Variants in CSMD1 observed in about 807,000 individuals in gnomAD.
The protein encoded by CSMD1 is CUB and Sushi multiple domains 1.
In CSMD1, 213 loss-of-function variants were observed where a neutral mutation model predicts 417.5. The ratio of observed to expected loss-of-function variants is 0.51; its 90% confidence interval spans 0.46 to 0.57. CSMD1 has a LOEUF of 0.57. CSMD1 is among the 20% of genes least tolerant of loss of function. The probability of loss-of-function intolerance (pLI) is 0.00; values close to 1 mark genes in which losing one functional copy is unlikely to be tolerated. For synonymous variants in CSMD1, 2,862 were observed against 1,736.8 expected, an observed-to-expected ratio of 1.65 and a Z score of -16.11; for missense variants, 6,923 against 4,529.7, an observed-to-expected ratio of 1.53 and a Z score of -15.17.
chr8:3,735,009 G>T (rs573675575), intron 6 of CSMD1, among the ~76,000 whole-genome samples: 4 of 152,334 alleles, frequency 2.6e-5, no homozygotes, highest in Non-Finnish European at 5.9e-5. Flanking sequence ...AGAGAGGAGT[G>T]AGGAGGGAAT....
chr8:4,706,705 A>C (rs1256908027), intron 1 of CSMD1, among the ~76,000 whole-genome samples: 1 of 152,188 alleles, frequency 6.6e-6, no homozygotes, highest in Non-Finnish European at 1.5e-5. Flanking sequence ...TGAAAGTCCA[A>C]AAAACAAAAG....
At chr8:4,231,765 A>C (rs1188632504) in intron 3 of CSMD1, among the ~76,000 whole-genome samples, 2 of 152,218 alleles carry the variant, frequency 1.3e-5, no homozygotes, top group Non-Finnish European at 2.9e-5. Context: ...ACTGTTGGCC[A>C]TGCCACAGCC....
chr8:4,375,934 CAG>C (rs770143371), intron 3 of CSMD1, among the ~76,000 whole-genome samples: 3 of 152,140 alleles, frequency 2.0e-5, no homozygotes, highest in Non-Finnish European at 2.9e-5. Context: ...CTTAGATGTG[CAG>C]AGAGTTTCCT....
chr8:4,485,062 C>T (rs1043105865), intron 2 of CSMD1, among the ~76,000 whole-genome samples: 1 of 142,146 alleles, frequency 7.0e-6, no homozygotes, highest in Non-Finnish European at 1.5e-5. Context: ...CCATTTTCTA[C>T]TCATTTCTAC....
chr8:4,198,040 G>A (rs767782630), intron 3 of CSMD1, among the ~76,000 whole-genome samples: 2 of 152,158 alleles, frequency 1.3e-5, no homozygotes, highest in Non-Finnish European at 2.9e-5. Context: ...CAGCAATGAA[G>A]AAGTATTTAT....
chr8:3,404,985 T>C (rs539100296), intron 15 of CSMD1, among the ~76,000 whole-genome samples: 1 of 152,334 alleles, frequency 6.6e-6, no homozygotes, highest in South Asian at 2.1e-4. Context: ...TTTATGATAT[T>C]GATCCAGGAA....
chr8:3,967,904 A>G (rs1265557190), intron 5 of CSMD1, among the ~76,000 whole-genome samples: 1 of 151,494 alleles, frequency 6.6e-6, no homozygotes, highest in Non-Finnish European at 1.5e-5. Context: ...GCAGTGGCTC[A>G]CACGTGTAAT....
At chr8:3,053,095 T>A (rs868047334) in intron 49 of CSMD1, among the ~76,000 whole-genome samples, 2 of 152,204 alleles carry the variant, frequency 1.3e-5, no homozygotes, top group South Asian at 2.1e-4. Context: ...ATTCTATTTC[T>A]AGGGTATGGG....
intron 63 of CSMD1, among the ~76,000 whole-genome samples, chr8:2,957,352 A>T (rs961743082): frequency 1.1e-4 from 17 of 152,208 alleles, no homozygotes; most frequent in Non-Finnish European, 1.5e-4. Context: ...TCAATATAAC[A>T]TTATGCACTT....
At chr8:4,558,599 G>C (rs1423567419) in intron 2 of CSMD1, among the ~76,000 whole-genome samples, 1 of 152,084 alleles carries the variant, frequency 6.6e-6, no homozygotes, top group Non-Finnish European at 1.5e-5. Context: ...CAGACACATG[G>C]CTCACACCTG....
intron 6 of CSMD1, among the ~76,000 whole-genome samples, chr8:3,718,045 TAAAAGA>T (rs966110587): frequency 6.6e-6 from 1 of 152,220 alleles, no homozygotes; most frequent in East Asian, 1.9e-4. Flanking sequence ...TTTTAGTACA[TAAAAGA>T]AAATGTTCAG....
At chr8:3,919,212 A>G (rs868316183) in intron 5 of CSMD1, among the ~76,000 whole-genome samples, 2 of 132,736 alleles carry the variant, frequency 1.5e-5, no homozygotes, top group African/African-American at 2.7e-5. Flanking sequence ...AAAAAAAAAG[A>G]AAGAAATCAT....
intron 3 of CSMD1, among the ~76,000 whole-genome samples, chr8:4,098,042 A>G (rs1270301028): frequency 1.3e-5 from 2 of 152,208 alleles, no homozygotes; most frequent in Admixed American, 1.3e-4. Flanking sequence ...ATTTTTGTTC[A>G]GGCACAGAGA....
chr8:4,056,169 C>T (rs775332508), intron 3 of CSMD1, among the ~76,000 whole-genome samples: 60 of 144,552 alleles, frequency 4.2e-4, no homozygotes, highest in Non-Finnish European at 7.2e-4. Flanking sequence ...CCAACCTCTG[C>T]CTCTTGGGTT....
intron 6 of CSMD1, among the ~76,000 whole-genome samples, chr8:3,746,965 C>T (rs1012882734): frequency 6.6e-6 from 1 of 152,210 alleles, no homozygotes; most frequent in Non-Finnish European, 1.5e-5. Context: ...AGAAATAAAG[C>T]TGTGACTAAA....
At chr8:3,262,224 TATATATAC>T (rs1311739532) in intron 26 of CSMD1, among the ~76,000 whole-genome samples, 14 of 114,366 alleles carry the variant, frequency 1.2e-4, no homozygotes, top group African/African-American at 1.7e-4. Flanking sequence ...TATATATATA[TATATATAC>T]ACACACATAG....
intron 12 of CSMD1, among the ~76,000 whole-genome samples, chr8:3,440,433 G>A (rs77328407): frequency 6.6e-6 from 1 of 152,174 alleles, no homozygotes; most frequent in Non-Finnish European, 1.5e-5. Flanking sequence ...TAAAGAAATT[G>A]GGTGTTCACG....
chr8:3,749,455 T>C (rs1157319752), intron 6 of CSMD1, among the ~76,000 whole-genome samples: 1 of 152,132 alleles, frequency 6.6e-6, no homozygotes, highest in Non-Finnish European at 1.5e-5. Context: ...ATGATATAAT[T>C]GGAGAGGTGA....
chr8:4,935,880 A>G (rs1807584917), intron 1 of CSMD1, among the ~76,000 whole-genome samples: 1 of 152,198 alleles, frequency 6.6e-6, no homozygotes, highest in Non-Finnish European at 1.5e-5. Flanking sequence ...GAACTCATGC[A>G]ATTTCTGGGC....
Sources: gnomAD v4.1 joint callset for allele counts (sites outside exome capture counted in the v4.1 genomes callset) on GRCh38, gnomAD v4.1.1 for gene constraint, MANE v1.5 for transcripts, NCBI Gene and HGNC (gene_info 2026-07-23, HGNC 2026-07-21) for gene names.